Variants in RAB3GAP2 observed in about 807,000 individuals in gnomAD.
RAB3GAP2 encodes RAB3 GTPase activating non-catalytic protein subunit 2, also known as rab3 GTPase-activating protein non-catalytic subunit.
A neutral mutation model predicts 185.3 loss-of-function variants in RAB3GAP2; 87 were observed. The observed-to-expected ratio is 0.47, with a 90% CI of 0.39 to 0.56. The LOEUF is 0.56. RAB3GAP2 is among the 20% of genes least tolerant of loss of function. The pLI, the probability that RAB3GAP2 is intolerant of heterozygous loss-of-function variation, is 0.00. For synonymous variants in RAB3GAP2, 554 were observed against 576.1 expected (o/e 0.96, Z 0.55); for missense variants, 1,492 against 1,638.2 (o/e 0.91, Z 1.54).
chr1:220,215,433 T>C (rs572726022), intron 2 of RAB3GAP2, among the ~76,000 whole-genome samples: 6 of 152,192 alleles, frequency 3.9e-5, no homozygotes, highest in Non-Finnish European at 7.4e-5. Context: ...CAATATGCTT[T>C]TAAACTACAT....
rs773740209 is a variant in RAB3GAP2, at chr1:220,253,482, G to A, written c.115+18741C>T. 5.5e-5 allele frequency: 84 copies of A among 1,514,016 alleles called. No individual in the cohort carries two copies. In the Middle Eastern group the frequency reaches 1.2e-3, roughly 22 times the overall value. The allele number at this position is 1,514,016 out of a possible 1,614,324, so 93.8% of individuals were successfully genotyped here. ...TGTAGAGCTGGCAGTGCCTGACGGC[G>A]CGTCTGACGCGGAGTTGGGTGGGGT... On this transcript the variant is annotated intron_variant, in intron 1 of 34. Coordinates refer to ENST00000358951, the MANE Select transcript of RAB3GAP2 (RefSeq NM_012414.4).
At chr1:220,156,793 G>GT (rs1657866860) in intron 31 of RAB3GAP2, among the ~76,000 whole-genome samples, 1 of 152,206 alleles carries the variant, frequency 6.6e-6, no homozygotes, top group Admixed American at 6.5e-5. Flanking sequence ...AAAGTTTCTA[G>GT]TTTTTGCCAG....
intron 20 of RAB3GAP2, 53 bp downstream of exon 20, chr1:220,182,665 T>C (rs1658433810): frequency 6.6e-6 from 9 of 1,354,446 alleles, no homozygotes; most frequent in Non-Finnish European, 9.0e-6. Context: ...GTTCCTACCA[T>C]GTTTTCTTCT....
intron 7 of RAB3GAP2, among the ~76,000 whole-genome samples, chr1:220,207,307 C>A (rs1414779146): frequency 6.6e-6 from 1 of 152,146 alleles, no homozygotes; most frequent in Non-Finnish European, 1.5e-5. Flanking sequence ...TTTCCACCAA[C>A]AATACATGAG....
chr1:220,215,715 T>C (rs1312480252), intron 2 of RAB3GAP2, among the ~76,000 whole-genome samples: 1 of 152,122 alleles, frequency 6.6e-6, no homozygotes, highest in Non-Finnish European at 1.5e-5. Flanking sequence ...TAGAAATTTT[T>C]TATTGTCATG....
chr1:220,206,301 A>G (rs1658965249), intron 7 of RAB3GAP2, among the ~76,000 whole-genome samples: 1 of 152,204 alleles, frequency 6.6e-6, no homozygotes. Context: ...GCACAGATAC[A>G]AACAGTATGT....
At chr1:220,245,657 G>A (rs1391668915) in intron 1 of RAB3GAP2, among the ~76,000 whole-genome samples, 2 of 151,716 alleles carry the variant, frequency 1.3e-5, no homozygotes, top group Admixed American at 6.6e-5. Flanking sequence ...CAACTGGGTG[G>A]AGCCCACCAC....
At chr1:220,203,349 C>T (rs1390556796) in intron 8 of RAB3GAP2, among the ~76,000 whole-genome samples, 1 of 152,096 alleles carries the variant, frequency 6.6e-6, no homozygotes, top group Non-Finnish European at 1.5e-5. Flanking sequence ...GCTGTTTATT[C>T]AGGAAAGTGA....
At chr1:220,164,856 T>C in intron 26 of RAB3GAP2, 57 bp from the exon 27 acceptor site, 1 of 1,512,410 alleles carries the variant, frequency 6.6e-7, no homozygotes, top group Non-Finnish European at 9.0e-7. Context: ...TAATAGGTTT[T>C]ACCATTATCA....
At chr1:220,218,856 A>G (rs1161916396) in intron 2 of RAB3GAP2, among the ~76,000 whole-genome samples, 1 of 152,152 alleles carries the variant, frequency 6.6e-6, no homozygotes, top group East Asian at 1.9e-4. Context: ...CTGTATACCT[A>G]TTCCAACTGC....
In RAB3GAP2 at chr1:220,172,671, A is replaced by C. The variant is rs760730024; in HGVS notation, c.2382T>G (p.Leu794=). The change falls in exon 22 of 35, where the codon CTT becomes CTG. Residue 794 remains leucine, a synonymous_variant. Coordinates refer to ENST00000358951, the MANE Select transcript of RAB3GAP2 (RefSeq NM_012414.4). The part of the protein sequence containing the change: ...ILDKPQSICC[L]HTMLSLLSKM... ...TGCTCAGGAGGGACAGCATGGTATGAAGACAGCAGATTGACTGTGGTTTAT... is the reference window on the plus strand; with the variant it reads ...TGCTCAGGAGGGACAGCATGGTATGCAGACAGCAGATTGACTGTGGTTTAT... 2 of 1,612,898 alleles carry C rather than the reference A, an allele frequency of 1.2e-6. No individual in the cohort carries two copies. The highest frequency in any genetic ancestry group is 2.2e-5 in the South Asian group (2 of 91,060).
chr1:220,180,487 A>G (rs111719713), intron 21 of RAB3GAP2, among the ~76,000 whole-genome samples: 4 of 152,312 alleles, frequency 2.6e-5, no homozygotes, highest in African/African-American at 9.6e-5. Context: ...AGAAATACAA[A>G]GGATCATTAG....
At chr1:220,152,232 C>G (rs181391302) in intron 33 of RAB3GAP2, among the ~76,000 whole-genome samples, 1 of 152,190 alleles carries the variant, frequency 6.6e-6, no homozygotes, top group Admixed American at 6.5e-5. Flanking sequence ...CATGCCACCA[C>G]GCCCAGCTAA....
At chr1:220,165,131 G>A (rs1658040631) in intron 26 of RAB3GAP2, among the ~76,000 whole-genome samples, 1 of 149,622 alleles carries the variant, frequency 6.7e-6, no homozygotes, top group South Asian at 2.2e-4. Context: ...GCTTACTTTT[G>A]TAGATACTAT....
chr1:220,214,123 C>T (rs955489016), intron 2 of RAB3GAP2, 144 bp from the exon 3 acceptor site: 7 of 807,214 alleles, frequency 8.7e-6, no homozygotes, highest in African/African-American at 3.5e-5. Flanking sequence ...TATTCCTTAT[C>T]AAAACATGCC....
Position 220,253,961 on chromosome 1 carries a change from A to T in RAB3GAP2, c.115+18262T>A. 1.9e-6 allele frequency: 3 copies of T among 1,613,676 alleles called. No homozygotes were observed. In the Admixed American group the frequency reaches 5.0e-5, roughly 27 times the overall value. ...GGTGGCAGTACCAGTGAGACCCCTCAGCCTCCTTGGAAGAAAAGGGCCCGG... is the reference window on the plus strand; with the variant it reads ...GGTGGCAGTACCAGTGAGACCCCTCTGCCTCCTTGGAAGAAAAGGGCCCGG... On this transcript the variant is annotated intron_variant, in intron 1 of 34. Transcript: ENST00000358951.
At chr1:220,194,739 T>C (rs1004779008) in intron 12 of RAB3GAP2, among the ~76,000 whole-genome samples, 1 of 152,242 alleles carries the variant, frequency 6.6e-6, no homozygotes, top group Non-Finnish European at 1.5e-5. Context: ...TTAAAGTTTA[T>C]ACAACTTAGT....
intron 2 of RAB3GAP2, among the ~76,000 whole-genome samples, chr1:220,229,246 A>G (rs550868661): frequency 2.6e-5 from 4 of 152,342 alleles, no homozygotes; most frequent in African/African-American, 9.6e-5. Context: ...GCTAATTAAG[A>G]AGAAAATAAA....
chr1:220,252,565 G>C (rs987701294), intron 1 of RAB3GAP2, among the ~76,000 whole-genome samples: 1 of 152,228 alleles, frequency 6.6e-6, no homozygotes. Context: ...CGAGGGAGTG[G>C]AGGGGGCGAC....
Sources: gnomAD v4.1 joint callset for allele counts (sites outside exome capture counted in the v4.1 genomes callset) on GRCh38, gnomAD v4.1.1 for gene constraint, MANE v1.5 for transcripts, NCBI Gene and HGNC (gene_info 2026-07-23, HGNC 2026-07-21) for gene names.